EYA1: variants seen among roughly 807,000 people sequenced by gnomAD.
EYA1 encodes protein phosphatase EYA1.
A neutral mutation model predicts 82.0 loss-of-function variants in EYA1; 16 were observed. That is an observed-to-expected ratio of 0.20 (90% CI 0.13 to 0.30). The LOEUF (loss-of-function observed/expected upper bound fraction) is 0.30, where lower values mean the gene tolerates loss of function less well. EYA1 is among the 10% of genes least tolerant of loss of function. The pLI is 1.00. For missense variants in EYA1, 633 were observed against 730.7 expected (o/e 0.87, Z 1.54); for synonymous variants, 261 against 264.4 (o/e 0.99, Z 0.12).
At chr8:71,337,980 T>C (rs1459315914) in intron 3 of EYA1, among the ~76,000 whole-genome samples, 1 of 152,232 alleles carries the variant, frequency 6.6e-6, no homozygotes, top group Admixed American at 6.5e-5. Flanking sequence ...TAAAAAAAGA[T>C]AAATGCTTCT....
At chr8:71,220,047 T>G (rs1809701055) in intron 12 of EYA1, among the ~76,000 whole-genome samples, 1 of 152,156 alleles carries the variant, frequency 6.6e-6, no homozygotes, top group African/African-American at 2.4e-5. Flanking sequence ...CTGGGCACCG[T>G]GAACCAACAG....
At chr8:71,429,758 T>C (rs910472967) in intron 2 of EYA1, among the ~76,000 whole-genome samples, 21 of 152,184 alleles carry the variant, frequency 1.4e-4, no homozygotes, top group African/African-American at 5.1e-4. Flanking sequence ...GCATTTCTGA[T>C]TTCCTACCTG....
intron 2 of EYA1, among the ~76,000 whole-genome samples, chr8:71,443,782 C>T (rs1806618555): frequency 1.3e-5 from 2 of 152,226 alleles, no homozygotes; most frequent in Non-Finnish European, 2.9e-5. Context: ...TTAAAGCCTC[C>T]AACTTCTGAG....
intron 12 of EYA1, among the ~76,000 whole-genome samples, chr8:71,219,625 T>C (rs1388079699): frequency 1.3e-5 from 2 of 152,208 alleles, no homozygotes; most frequent in Non-Finnish European, 2.9e-5. Context: ...TTTTAAAAAA[T>C]TGTTTTAAAT....
chr8:71,280,378 G>T (rs939002732), intron 9 of EYA1, among the ~76,000 whole-genome samples: 4 of 152,204 alleles, frequency 2.6e-5, no homozygotes, highest in Non-Finnish European at 4.4e-5. Flanking sequence ...TGAACACTTA[G>T]ATTTTCTCTG....
intron 4 of EYA1, chr8:71,322,476 G>A (rs954873587): frequency 7.0e-6 from 4 of 572,792 alleles, no homozygotes; most frequent in African/African-American, 3.8e-5. Context: ...ACTGATTAAG[G>A]GCTCTAGTTT....
At chr8:71,350,431 C>T (rs1271456843) in intron 3 of EYA1, among the ~76,000 whole-genome samples, 1 of 152,150 alleles carries the variant, frequency 6.6e-6, no homozygotes, top group Admixed American at 6.6e-5. Flanking sequence ...CTGAATCTAT[C>T]ATCCTAAAAT....
intron 2 of EYA1, among the ~76,000 whole-genome samples, chr8:71,534,186 T>A (rs1192391023): frequency 2.0e-5 from 3 of 152,250 alleles, no homozygotes; most frequent in Non-Finnish European, 4.4e-5. Context: ...GCAGAGTTCA[T>A]AAAAGGTGGC....
chr8:71,208,262 T>A (rs1340687545), intron 17 of EYA1, among the ~76,000 whole-genome samples: 1 of 151,862 alleles, frequency 6.6e-6, no homozygotes, highest in Non-Finnish European at 1.5e-5. Context: ...TGAAACCCCG[T>A]CTCTACTAAA....
intron 2 of EYA1, among the ~76,000 whole-genome samples, chr8:71,427,277 G>C (rs1261462882): frequency 1.3e-5 from 2 of 152,204 alleles, no homozygotes; most frequent in Non-Finnish European, 2.9e-5. Context: ...GCATCAGCTT[G>C]TGGAGCCTTC....
At chr8:71,264,489 C>T (rs1815528308) in intron 11 of EYA1, among the ~76,000 whole-genome samples, 1 of 152,040 alleles carries the variant, frequency 6.6e-6, no homozygotes, top group African/African-American at 2.4e-5. Context: ...ACTACAAGTT[C>T]AATAGGTGAC....
intron 2 of EYA1, among the ~76,000 whole-genome samples, chr8:71,402,243 G>GT (rs1440055985): frequency 6.6e-6 from 1 of 152,102 alleles, no homozygotes; most frequent in Admixed American, 6.5e-5. Context: ...TTAGAGGCAG[G>GT]TTTTTTTCCC....
intron 2 of EYA1, among the ~76,000 whole-genome samples, chr8:71,502,746 C>G (rs1051178467): frequency 2.0e-5 from 3 of 152,144 alleles, no homozygotes; most frequent in Admixed American, 6.5e-5. Context: ...AACAGGCACC[C>G]AGTAACAGCC....
chr8:71,438,422 T>C (rs1806160557), intron 2 of EYA1, among the ~76,000 whole-genome samples: 1 of 151,990 alleles, frequency 6.6e-6, no homozygotes, highest in Non-Finnish European at 1.5e-5. Context: ...AAACACCTAC[T>C]ACCCTATACA....
intron 8 of EYA1, 100 bp from the exon 9 acceptor site, chr8:71,299,333 T>G: frequency 1.6e-6 from 2 of 1,248,260 alleles, no homozygotes; most frequent in Non-Finnish European, 2.3e-6. Context: ...TTCTGAGCCT[T>G]TTCTGAATTC....
At chr8:71,492,405 T>C (rs1811068782) in intron 2 of EYA1, among the ~76,000 whole-genome samples, 1 of 152,140 alleles carries the variant, frequency 6.6e-6, no homozygotes, top group African/African-American at 2.4e-5. Context: ...GTAAGAATTG[T>C]CTGTCTTTGG....
At chr8:71,313,738 T>A (rs1821605652) in intron 7 of EYA1, among the ~76,000 whole-genome samples, 1 of 152,210 alleles carries the variant, frequency 6.6e-6, no homozygotes, top group Non-Finnish European at 1.5e-5. Context: ...CCAGAACCCA[T>A]ACTGCTAACC....
intron 9 of EYA1, among the ~76,000 whole-genome samples, 162 bp downstream of exon 9, chr8:71,298,885 T>A (rs886458515): frequency 6.6e-6 from 1 of 152,114 alleles, no homozygotes; most frequent in African/African-American, 2.4e-5. Flanking sequence ...AATAAAAAAA[T>A]AAATAAAAAT....
intron 9 of EYA1, among the ~76,000 whole-genome samples, chr8:71,274,293 C>G (rs551804922): frequency 2.0e-4 from 31 of 152,248 alleles, no homozygotes; most frequent in African/African-American, 7.2e-4. Flanking sequence ...AGTTATTTTT[C>G]AAAATCCCTT....
Sources: gnomAD v4.1 joint callset for allele counts (sites outside exome capture counted in the v4.1 genomes callset) on GRCh38, gnomAD v4.1.1 for gene constraint, MANE v1.5 for transcripts, NCBI Gene and HGNC (gene_info 2026-07-23, HGNC 2026-07-21) for gene names.